The following SP140 variants were observed in gnomAD, a reference collection of about 807,000 sequenced individuals.
SP140 encodes the protein SP140 nuclear body protein.
Under a neutral mutation model 125.0 loss-of-function variants are expected in SP140, and 81 were observed. The ratio of observed to expected loss-of-function variants is 0.65; its 90% CI spans 0.54 to 0.78. The LOEUF is 0.78. Ranked by LOEUF, SP140 falls within the 30% of genes least tolerant of loss-of-function variation. SP140 has a pLI of 0.00. For synonymous variants in SP140, 312 were observed against 354.0 expected (o/e 0.88, Z 1.33); for missense variants, 858 against 1,037.0 (o/e 0.83, Z 2.37).
intron 15 of SP140, among the ~76,000 whole-genome samples, chr2:230,272,295 A>G (rs1559305460): frequency 6.6e-6 from 1 of 152,208 alleles, no homozygotes; most frequent in South Asian, 2.1e-4. Flanking sequence ...TGGAGATATC[A>G]TGCTACCCAA....
chr2:230,265,153 G>C (rs1221975643), intron 12 of SP140, among the ~76,000 whole-genome samples: 1 of 152,100 alleles, frequency 6.6e-6, no homozygotes, highest in Non-Finnish European at 1.5e-5. Context: ...GCTGCTGTGG[G>C]GGATGGGGGT....
At position 230,257,429 on chromosome 2, in the gene SP140, T is replaced by C. The variant is rs148621032; in HGVS notation, c.1240+1897T>C. On this transcript the variant is annotated intron_variant, in intron 12 of 26. Coordinates refer to ENST00000392045, the MANE Select transcript of SP140 (RefSeq NM_007237.5). ...AAGTCCAGAAAGCCGAAAAGAACCA[T>C]AGATGCCGTCATAGAGTAATAAAAA... Among the ~76,000 whole-genome samples the C allele has an allele frequency of 9.4e-4, 143 of 152,154 alleles. 1 individual carries two copies. The highest frequency in any genetic ancestry group is 3.2e-3 in the African/African-American group (133 of 41,500).
intron 22 of SP140, among the ~76,000 whole-genome samples, chr2:230,304,392 A>G (rs762668551): frequency 6.6e-6 from 1 of 152,238 alleles, no homozygotes; most frequent in Non-Finnish European, 1.5e-5. Context: ...TCACAGAACT[A>G]GAAAAAACAA....
chr2:230,268,078 C>T (rs1472044623), intron 12 of SP140, among the ~76,000 whole-genome samples: 3 of 152,150 alleles, frequency 2.0e-5, no homozygotes, highest in Non-Finnish European at 4.4e-5. Context: ...CAGGAACAAG[C>T]ACACATGAAA....
chr2:230,224,406 A>G (rs1361853991), upstream of SP140, among the ~76,000 whole-genome samples: 1 of 124,350 alleles, frequency 8.0e-6, no homozygotes, highest in African/African-American at 3.0e-5. Context: ...AGCCCAGCAT[A>G]CTTTTCCTTC....
chr2:230,303,347 GATTA>G (rs1559365810), intron 22 of SP140, among the ~76,000 whole-genome samples: 1 of 152,132 alleles, frequency 6.6e-6, no homozygotes, highest in Non-Finnish European at 1.5e-5. Context: ...AACCCTCCTA[GATTA>G]AAGCAGGCAG....
At position 230,247,990 on chromosome 2, in the gene SP140, G is replaced by A. The variant is rs866751155; in HGVS notation, c.817G>A (p.Glu273Lys). ...TAPGEKQGEE[E>K]GRNSPRKRNQ... is the part of the protein sequence containing the mutation. ...ACCAGGGGAGAAACAGGGAGAGGAG[G>A]AAGGCAGGAACAGTCCCAGAAAAAG... is the stretch of plus-strand genomic sequence containing the variant. The change falls in exon 8 of 27, where the codon GAA (glutamate) becomes AAA (lysine). Residue 273 changes from glutamate to lysine, a missense_variant. Coordinates refer to ENST00000392045, the MANE Select transcript of SP140 (RefSeq NM_007237.5). 1.9e-6 allele frequency: 3 copies of A among 1,613,944 alleles called. No homozygotes were observed. The highest frequency in any genetic ancestry group is 2.2e-5 in the East Asian group (1 of 44,874).
chr2:230,224,431 G>C (rs905647660), upstream of SP140, among the ~76,000 whole-genome samples: 1 of 135,834 alleles, frequency 7.4e-6, no homozygotes, highest in Non-Finnish European at 1.6e-5. Flanking sequence ...TTTAAAGAGG[G>C]AGGGAGAGGG....
chr2:230,192,337 G>A, the SP140 span, among the ~76,000 whole-genome samples: 3 of 152,158 alleles, frequency 2.0e-5, no homozygotes, highest in Non-Finnish European at 4.4e-5. Context: ...AAGAGAGGAA[G>A]TCAAGTTGTT....
chr2:230,201,109 A>T, upstream of SP140: 2 of 732,282 alleles, frequency 2.7e-6, no homozygotes, highest in South Asian at 2.9e-5. Context: ...CTACCAAGAG[A>T]TTTGGTGCTG....
upstream of SP140, among the ~76,000 whole-genome samples, chr2:230,201,959 T>A (rs181160436): frequency 3.3e-3 from 502 of 152,318 alleles, 3 homozygotes; most frequent in African/African-American, 0.011. Flanking sequence ...AAACTAGATA[T>A]CTGTGTAAGG....
At chr2:230,200,849 G>A, upstream of SP140, 2 of 1,441,444 alleles carry the variant, frequency 1.4e-6, no homozygotes, top group Non-Finnish European at 2.0e-6. Flanking sequence ...GATTCCTGGT[G>A]ACTGTACTCT....
chr2:230,220,093 C>G lies in SP140; in HGVS notation c.-90-5662C>G, dbSNP rs1004722439. 13 of 985,376 alleles carry G rather than the reference C, an allele frequency of 1.3e-5. No homozygotes were observed. In the African/African-American group the frequency reaches 2.1e-4, roughly 16 times the overall value. The allele number at this position is 985,376 out of a possible 1,614,324, so 61.0% of individuals were successfully genotyped here. Reference sequence around the variant, plus strand: ...GCAGGTCGGTGCCTGCAGCCTCTCTCCACCTCCTCATGGGCACTTGTGAGG... The same window carrying G: ...GCAGGTCGGTGCCTGCAGCCTCTCTGCACCTCCTCATGGGCACTTGTGAGG... On this transcript the variant is annotated intron_variant, in intron 3 of 4. Coordinates refer to the SP140 transcript ENST00000456542.
At chr2:230,228,600 G>A (rs1365171736) in intron 1 of SP140, among the ~76,000 whole-genome samples, 2 of 152,146 alleles carry the variant, frequency 1.3e-5, no homozygotes, top group Non-Finnish European at 2.9e-5. Flanking sequence ...TAAGGATTGT[G>A]TACCTTCTTG....
At chr2:230,216,973 C>T (rs201054847) in intron 3 of SP140, 67 of 1,579,450 alleles carry the variant, frequency 4.2e-5, no homozygotes, top group Admixed American at 1.1e-4. Context: ...AGGCTGGGCG[C>T]GGTGGCTCAT....
rs2057445136 is a variant in SP140 at position 230,294,280 on chromosome 2, C to T, written c.1978C>T (p.Leu660=). ...PLRWLMENGF[L]PDPPRIRYRK... is the part of the protein sequence containing the mutation. ...TCTTTTTGTCTTTCAGAATGGATTT[C>T]TGCCTGATCCTCCAAGAATACGTTA... The change falls in exon 21 of 27, where the codon CTG becomes TTG. Residue 660 remains leucine, a synonymous_variant. Coordinates refer to ENST00000392045, the MANE Select transcript of SP140 (RefSeq NM_007237.5). 1 of 1,613,096 alleles carries T rather than the reference C, an allele frequency of 6.2e-7. No individual in the cohort carries two copies. Among genetic ancestry groups the T allele is most frequent in the South Asian group, 1.1e-5 (1 of 91,040 alleles).
intron 3 of SP140, chr2:230,238,721 GC>G (rs1175297448): frequency 1.5e-5 from 21 of 1,422,672 alleles, no homozygotes; most frequent in Middle Eastern, 2.4e-4. Flanking sequence ...TCTGATATTT[GC>G]AGATATGTTC....
At chr2:230,286,411 C>T (rs1318546419) in intron 17 of SP140, among the ~76,000 whole-genome samples, 1 of 152,176 alleles carries the variant, frequency 6.6e-6, no homozygotes, top group African/African-American at 2.4e-5. Context: ...CTTGGCCCTA[C>T]CCCCACTCCA....
chr2:230,309,847 G>A lies in SP140; in HGVS notation c.2059-77G>A, dbSNP rs557536954. ...CCATGCAGGTTCACACAAAGGCAGT[G>A]TGTTCTAGTTGCCCAGAGGGTTGGC... On this transcript the variant is annotated intron_variant, in intron 22 of 26. Coordinates refer to ENST00000392045, the MANE Select transcript of SP140 (RefSeq NM_007237.5). 5.5e-6 allele frequency: 8 copies of A among 1,456,880 alleles called. No individual in the cohort carries two copies. The African/African-American group carries it at 9.7e-5, about 18-fold the overall frequency. The allele number at this position is 1,456,880 out of a possible 1,614,324, so 90.2% of individuals were successfully genotyped here.
Sources: gnomAD v4.1 joint callset for allele counts (sites outside exome capture counted in the v4.1 genomes callset) on GRCh38, gnomAD v4.1.1 for gene constraint, MANE v1.5 for transcripts, NCBI Gene and HGNC (gene_info 2026-07-23, HGNC 2026-07-21) for gene names.